Variants in TECTA observed in about 807,000 individuals in gnomAD.
The protein encoded by TECTA is alpha-tectorin.
A neutral mutation model predicts 216.8 loss-of-function variants in TECTA; 128 were observed. The ratio of observed to expected loss-of-function variants is 0.59; its 90% CI spans 0.51 to 0.68. The LOEUF is 0.68. TECTA is among the 30% of genes least tolerant of loss of function. The pLI is 0.00. For missense variants in TECTA, 2,551 were observed against 2,786.2 expected, an observed-to-expected ratio of 0.92 and a Z score of 1.90; for synonymous variants, 1,089 against 1,117.1, an observed-to-expected ratio of 0.97 and a Z score of 0.50.
At chr11:121,110,923 G>C (rs974013897) in intron 4 of TECTA, among the ~76,000 whole-genome samples, 3 of 152,192 alleles carry the variant, frequency 2.0e-5, no homozygotes, top group Non-Finnish European at 4.4e-5. Flanking sequence ...AAAAGATGAT[G>C]TAGTTCTCTG....
In TECTA at chr11:121,145,557, C is replaced by G. The variant is rs988828775; in HGVS notation, c.3546C>G (p.Val1182=). 6.2e-7 allele frequency: 1 copy of G among 1,614,070 alleles called. No homozygotes were observed. Among genetic ancestry groups the G allele is most frequent in the Admixed American group, 1.7e-5 (1 of 60,004 alleles). The change falls in exon 12 of 24, where the codon GTC becomes GTG. Residue 1182 remains valine (V), a splice_region_variant and synonymous_variant. Transcript: ENST00000392793. ...CCACCTCATCTCTCCTCTTACAGGTCAACAGTGAACGGCTCTATCTGCCCC... is the reference window on the plus strand; with the variant it reads ...CCACCTCATCTCTCCTCTTACAGGTGAACAGTGAACGGCTCTATCTGCCCC... ...IHRAYKHTVL[V]NSERLYLPLK...
intron 1 of TECTA, 118 bp downstream of exon 1, chr11:121,101,560 T>C (rs549847353): frequency 4.6e-5 from 7 of 152,350 alleles, no homozygotes; most frequent in Non-Finnish European, 1.0e-4. Flanking sequence ...ATTAAAGCTG[T>C]GTGTGATCTC....
At chr11:121,121,783 G>T (rs1380924025) in intron 7 of TECTA, among the ~76,000 whole-genome samples, 1 of 152,152 alleles carries the variant, frequency 6.6e-6, no homozygotes, top group Admixed American at 6.5e-5. Context: ...TCCCTTGCTA[G>T]CAGGAGCTTA....
intron 20 of TECTA, among the ~76,000 whole-genome samples, chr11:121,170,415 G>GT (rs552663902): frequency 1.3e-5 from 2 of 151,726 alleles, no homozygotes; most frequent in Admixed American, 6.6e-5. Flanking sequence ...TTTTAGTGGG[G>GT]TTTTTTTGTT....
chr11:121,102,110 T>C (rs1946351615), intron 1 of TECTA, among the ~76,000 whole-genome samples: 1 of 152,232 alleles, frequency 6.6e-6, no homozygotes, highest in Non-Finnish European at 1.5e-5. Context: ...GCCCTGAATC[T>C]GGTCAATACT....
chr11:121,159,885 A>T (rs1297816152), intron 14 of TECTA, among the ~76,000 whole-genome samples: 1 of 152,024 alleles, frequency 6.6e-6, no homozygotes, highest in Non-Finnish European at 1.5e-5. Flanking sequence ...ATGCCTTTAA[A>T]CTCTAGGGCA....
intron 14 of TECTA, among the ~76,000 whole-genome samples, chr11:121,159,298 C>G (rs1434483590): frequency 1.3e-5 from 2 of 152,188 alleles, no homozygotes; most frequent in African/African-American, 4.8e-5. Context: ...CCCACATCAA[C>G]ACGACAGCCT....
intron 11 of TECTA, among the ~76,000 whole-genome samples, chr11:121,141,218 G>A (rs919551990): frequency 6.6e-6 from 1 of 152,190 alleles, no homozygotes; most frequent in South Asian, 2.1e-4. Context: ...ATTTGCATTT[G>A]TTTTCCCATG....
At chr11:121,190,103 A>G in intron 23 of TECTA, 1 of 545,846 alleles carries the variant, frequency 1.8e-6, no homozygotes, top group Non-Finnish European at 3.3e-6. Context: ...CATCTAAAAT[A>G]TAAAGGTAAT....
Position 121,113,596 on chromosome 11 carries a change from C to T in TECTA, c.668C>T (p.Pro223Leu), listed in dbSNP as rs773877361. ...AACCTCACCAATTTCTTCAGCCTCC[C>T]GGGGTCAAGAACCCCCGAGATCGTG... ...GGNLTNFFSL[P>L]GSRTPEIVNI... The change falls in exon 6 of 24, where the codon CCG (proline) becomes CTG (leucine). Residue 223 changes from proline (P) to leucine (L), a missense_variant. Around this residue, in one of 3 missense-constraint regions of TECTA, gnomAD observed 2,375 missense variants for 2,563.9 expected, o/e 0.93. Coordinates refer to ENST00000392793, the MANE Select transcript of TECTA (RefSeq NM_005422.4). This position sits in a 1 kb window ranked among gnomAD's most constrained non-coding sequence, Gnocchi z 4.2. 3.7e-6 allele frequency: 6 copies of T among 1,613,736 alleles called. No homozygotes were observed. The highest frequency in any genetic ancestry group is 1.3e-5 in the African/African-American group (1 of 74,856).
At chr11:121,183,926 T>C (rs1275790581) in intron 20 of TECTA, among the ~76,000 whole-genome samples, 2 of 152,138 alleles carry the variant, frequency 1.3e-5, no homozygotes, top group Non-Finnish European at 2.9e-5. Flanking sequence ...TAGCTGGGAC[T>C]ACAGGCACAC....
rs752462662 is a variant in TECTA, at chr11:121,125,671, G to A, written c.1573G>A (p.Gly525Ser). 1.8e-5 allele frequency: 29 copies of A among 1,610,274 alleles called. No individual in the cohort carries two copies. In the Middle Eastern group the frequency reaches 4.9e-4, roughly 27 times the overall value. ...CCTCTACTTTGGCTCTGACTACTGC[G>A]GCTTCCTCAACAAGACAGACGGCCC... ...EALYFGSDYCGFLNKTDGPLW... is the reference protein window; with the variant it reads ...EALYFGSDYCSFLNKTDGPLW... Residue 525 changes from glycine to serine, a missense_variant, in exon 8 of 24, where the codon GGC (glycine) becomes AGC (serine). By Grantham distance (56) the Gly-to-Ser change is moderately conservative. Around this residue, in one of 3 missense-constraint regions of TECTA, gnomAD observed 2,375 missense variants for 2,563.9 expected, o/e 0.93. Coordinates refer to ENST00000392793, the MANE Select transcript of TECTA (RefSeq NM_005422.4).
intron 20 of TECTA, among the ~76,000 whole-genome samples, chr11:121,183,329 C>A (rs150536484): frequency 6.6e-6 from 1 of 152,000 alleles, no homozygotes; most frequent in Non-Finnish European, 1.5e-5. Context: ...GGAGGGTGTG[C>A]GATTCAGTGT....
intron 14 of TECTA, 66 bp from the exon 15 acceptor site, chr11:121,160,069 T>G: frequency 6.2e-7 from 1 of 1,608,382 alleles, no homozygotes; most frequent in Admixed American, 1.7e-5. Context: ...TCCCTGGCCC[T>G]TTCCTGAACA....
At chr11:121,149,431 G>A (rs1278724573) in intron 12 of TECTA, among the ~76,000 whole-genome samples, 1 of 152,194 alleles carries the variant, frequency 6.6e-6, no homozygotes, top group African/African-American at 2.4e-5. Flanking sequence ...AAATCCTTCT[G>A]TGACTACAAC....
Position 121,105,277 on chromosome 11 carries a change from G to A in TECTA, c.65-554G>A, listed in dbSNP as rs1006870036. On this transcript the variant is annotated intron_variant, in intron 2 of 23. Transcript: ENST00000392793. The surrounding 1 kb of genome is among the most constrained non-coding windows in gnomAD (Gnocchi z 5.3). ...TGGGCAAAGAGCCTCTTGCAGGGCCGCCCTCAATCAAGGTCATTCATGGGC... is the reference window on the plus strand; with the variant it reads ...TGGGCAAAGAGCCTCTTGCAGGGCCACCCTCAATCAAGGTCATTCATGGGC... Among the ~76,000 whole-genome samples the A allele has an allele frequency of 4.6e-5, 7 of 152,210 alleles. No individual in the cohort carries two copies. The highest frequency in any genetic ancestry group is 1.4e-4 in the African/African-American group (6 of 41,444).
At chr11:121,151,311 A>G (rs1946887432) in intron 12 of TECTA, among the ~76,000 whole-genome samples, 1 of 152,228 alleles carries the variant, frequency 6.6e-6, no homozygotes, top group Admixed American at 6.5e-5. Flanking sequence ...AATTTATTCC[A>G]CAGATGCCCT....
intron 17 of TECTA, 138 bp from the exon 18 acceptor site, chr11:121,166,440 C>CATAATTAGAA (rs1178247932): frequency 1.3e-5 from 11 of 845,274 alleles, no homozygotes; most frequent in Non-Finnish European, 1.6e-5. Flanking sequence ...TTGATCAAAG[C>CATAATTAGAA]ATAATTAGAA....
intron 2 of TECTA, 114 bp downstream of exon 2, chr11:121,102,843 C>G: frequency 2.3e-6 from 2 of 881,604 alleles, no homozygotes; most frequent in Non-Finnish European, 3.8e-6. Context: ...TCTACAGATA[C>G]AAGAGAAAAA....
Sources: gnomAD v4.1 joint callset for allele counts (sites outside exome capture counted in the v4.1 genomes callset) on GRCh38, gnomAD v4.1.1 for gene constraint, gnomAD v4.1.1 regional missense constraint, Gnocchi (gnomAD v3.1) non-coding constraint, MANE v1.5 for transcripts, NCBI Gene and HGNC (gene_info 2026-07-23, HGNC 2026-07-21) for gene names.